LRRC4C: variants seen among roughly 807,000 people sequenced by gnomAD.
LRRC4C encodes leucine rich repeat containing 4C, also known as leucine-rich repeat-containing protein 4C.
Under a neutral mutation model 33.6 loss-of-function variants are expected in LRRC4C, and 5 were observed. That is an observed-to-expected ratio of 0.15 (90% CI 0.08 to 0.31). The LOEUF (loss-of-function observed/expected upper bound fraction) is 0.31. LRRC4C is among the 10% of genes least tolerant of loss of function. The pLI, the probability that LRRC4C is intolerant of heterozygous loss-of-function variation, is 1.00. For missense variants in LRRC4C, 560 were observed against 796.7 expected (o/e 0.70, Z 3.58); for synonymous variants, 329 against 302.0 (o/e 1.09, Z -0.93).
intron 3 of LRRC4C, among the ~76,000 whole-genome samples, chr11:40,616,549 G>A (rs950927958): frequency 3.3e-5 from 5 of 151,660 alleles, no homozygotes; most frequent in Non-Finnish European, 7.4e-5. Flanking sequence ...AGAAAATGTG[G>A]CACATATACA....
At chr11:41,035,558 T>C (rs902604956) in intron 1 of LRRC4C, among the ~76,000 whole-genome samples, 8 of 152,146 alleles carry the variant, frequency 5.3e-5, no homozygotes, top group Admixed American at 4.6e-4. Flanking sequence ...AAGGACATGA[T>C]CGTGTTCCTT....
chr11:40,759,369 A>T (rs1044188984), intron 2 of LRRC4C, among the ~76,000 whole-genome samples: 20 of 151,004 alleles, frequency 1.3e-4, no homozygotes, highest in African/African-American at 4.6e-4. Flanking sequence ...TGATAATTTA[A>T]GTGGTTATGT....
At chr11:40,802,435 A>C (rs1951076906) in intron 2 of LRRC4C, among the ~76,000 whole-genome samples, 1 of 152,122 alleles carries the variant, frequency 6.6e-6, no homozygotes, top group Non-Finnish European at 1.5e-5. Context: ...GAATGGAGAG[A>C]AATGCTGCTG....
At chr11:41,139,275 A>G (rs1943400603) in intron 1 of LRRC4C, among the ~76,000 whole-genome samples, 2 of 152,208 alleles carry the variant, frequency 1.3e-5, no homozygotes, top group Non-Finnish European at 2.9e-5. Context: ...ATAGTAAGGG[A>G]CTTATATACA....
intron 5 of LRRC4C, among the ~76,000 whole-genome samples, chr11:40,182,313 A>T (rs1453819324): frequency 1.3e-5 from 2 of 152,064 alleles, no homozygotes; most frequent in African/African-American, 4.8e-5. Flanking sequence ...TCCTGGCCTA[A>T]ACTCCCAGAT....
intron 2 of LRRC4C, among the ~76,000 whole-genome samples, chr11:40,740,102 TG>T (rs1401692689): frequency 1.3e-5 from 2 of 152,056 alleles, no homozygotes; most frequent in Admixed American, 1.3e-4. Context: ...TCTTGGCTAT[TG>T]GGAATAATGA....
chr11:40,868,964 T>C (rs990064744), intron 2 of LRRC4C, among the ~76,000 whole-genome samples: 1 of 152,156 alleles, frequency 6.6e-6, no homozygotes, highest in African/African-American at 2.4e-5. Flanking sequence ...CTTATATTAC[T>C]TGAGCTCACT....
chr11:40,886,416 C>T lies in LRRC4C; in HGVS notation c.-407+47219G>A, dbSNP rs187128319. Among the ~76,000 whole-genome samples the T allele has an allele frequency of 4.8e-3, 726 of 151,344 alleles. 9 individuals carry two copies. Among genetic ancestry groups the T allele is most frequent in the African/African-American group, 0.017 (696 of 41,236 alleles). Reference sequence around the variant, plus strand: ...TCTGGTTTCAAATGCTACACACACACACACACACACACACACACACGCACA... The same window carrying T: ...TCTGGTTTCAAATGCTACACACACATACACACACACACACACACACGCACA... On this transcript the variant is annotated intron_variant, in intron 2 of 6. Transcript: ENST00000528697.
chr11:40,355,312 T>G (rs1414213275), intron 3 of LRRC4C, among the ~76,000 whole-genome samples: 1 of 152,134 alleles, frequency 6.6e-6, no homozygotes, highest in Admixed American at 6.6e-5. Context: ...AAGCCCTCCC[T>G]TAGCCACCAC....
At position 40,711,932 on chromosome 11, in the gene LRRC4C, A is replaced by G. The variant is rs1946486104; in HGVS notation, c.-406-63654T>C. On this transcript the variant is annotated intron_variant, in intron 2 of 6. Transcript: ENST00000528697. ...CATTTCCTTTCTCCTGGGAACTTAA[A>G]TGCTGAATTTTAATGTTGCATTAAC... Among the ~76,000 whole-genome samples, 3 of 152,204 alleles carry G rather than the reference A, an allele frequency of 2.0e-5. No individual in the cohort carries two copies. In the South Asian group the frequency reaches 6.2e-4, roughly 31 times the overall value.
chr11:40,730,929 GGGCCT>G (rs1947542597), intron 2 of LRRC4C, among the ~76,000 whole-genome samples: 1 of 152,198 alleles, frequency 6.6e-6, no homozygotes, highest in African/African-American at 2.4e-5. Context: ...GTTGGCTGTA[GGGCCT>G]GGTGGGAGGT....
chr11:40,373,364 T>A (rs553616366), intron 3 of LRRC4C, among the ~76,000 whole-genome samples: 3 of 152,134 alleles, frequency 2.0e-5, no homozygotes, highest in Non-Finnish European at 2.9e-5. Context: ...AAAAATATCA[T>A]AAAGTGAGTA....
chr11:40,751,438 AAT>A (rs1948688194), intron 2 of LRRC4C, among the ~76,000 whole-genome samples: 2 of 152,142 alleles, frequency 1.3e-5, no homozygotes, highest in African/African-American at 4.8e-5. Flanking sequence ...CAAAGTTAAC[AAT>A]AGTCAGTAAT....
At chr11:40,389,374 G>A (rs1186693509) in intron 3 of LRRC4C, among the ~76,000 whole-genome samples, 1 of 151,926 alleles carries the variant, frequency 6.6e-6, no homozygotes, top group Non-Finnish European at 1.5e-5. Context: ...ACACGGCGTG[G>A]GTTAGTTGTC....
chr11:40,975,547 G>T (rs1852023543), intron 1 of LRRC4C, among the ~76,000 whole-genome samples: 1 of 152,068 alleles, frequency 6.6e-6, no homozygotes, highest in African/African-American at 2.4e-5. Flanking sequence ...TCTCTTTATT[G>T]CTTGTTTGCT....
chr11:40,358,054 A>G (rs1307254540), intron 3 of LRRC4C, among the ~76,000 whole-genome samples: 1 of 152,006 alleles, frequency 6.6e-6, no homozygotes, highest in Admixed American at 6.6e-5. Flanking sequence ...ATAGTGGCAC[A>G]TGCCTGTAGT....
At chr11:40,720,862 G>C (rs992435860) in intron 2 of LRRC4C, among the ~76,000 whole-genome samples, 1 of 152,152 alleles carries the variant, frequency 6.6e-6, no homozygotes, top group Non-Finnish European at 1.5e-5. Context: ...GTTTTCAGAG[G>C]TGAGATTTCA....
At chr11:41,065,044 G>A (rs548879149) in intron 1 of LRRC4C, among the ~76,000 whole-genome samples, 1 of 152,102 alleles carries the variant, frequency 6.6e-6, no homozygotes, top group Non-Finnish European at 1.5e-5. Context: ...TGGTACTCCA[G>A]TGAGACAGGA....
At chr11:40,953,436 A>G (rs1958807635) in intron 1 of LRRC4C, among the ~76,000 whole-genome samples, 1 of 151,834 alleles carries the variant, frequency 6.6e-6, no homozygotes, top group African/African-American at 2.4e-5. Flanking sequence ...AATTCATAAC[A>G]GTCTCCACCT....
Sources: gnomAD v4.1 joint callset for allele counts (sites outside exome capture counted in the v4.1 genomes callset) on GRCh38, gnomAD v4.1.1 for gene constraint, MANE v1.5 for transcripts, NCBI Gene and HGNC (gene_info 2026-07-23, HGNC 2026-07-21) for gene names.